The following NDST4 variants were observed in gnomAD, a reference collection of about 807,000 sequenced individuals.
The protein encoded by NDST4 is N-heparan sulfate sulfotransferase 4.
In NDST4, 63 loss-of-function variants were observed where a neutral mutation model predicts 100.8. The ratio of observed to expected loss-of-function variants is 0.62; its 90% CI spans 0.51 to 0.77. NDST4 has a LOEUF of 0.77. NDST4 is among the 30% of genes least tolerant of loss of function. The pLI is 0.00. For synonymous variants in NDST4, 377 were observed against 361.8 expected, an observed-to-expected ratio of 1.04 and a Z score of -0.48; for missense variants, 943 against 1,018.4, an observed-to-expected ratio of 0.93 and a Z score of 1.01.
At chr4:114,906,972 C>G (rs112722074) in intron 6 of NDST4, among the ~76,000 whole-genome samples, 1 of 151,928 alleles carries the variant, frequency 6.6e-6, no homozygotes, top group Admixed American at 6.6e-5. Context: ...ATATTTTCTT[C>G]AAAACTGTAT....
intron 2 of NDST4, among the ~76,000 whole-genome samples, chr4:114,981,348 AACT>A (rs1726768389): frequency 6.6e-6 from 1 of 152,108 alleles, no homozygotes; most frequent in Admixed American, 6.6e-5. Context: ...ATGGTATTCA[AACT>A]TTATTATGTG....
At chr4:114,848,476 A>C in intron 8 of NDST4, 138 bp from the exon 9 acceptor site, 1 of 622,398 alleles carries the variant, frequency 1.6e-6, no homozygotes, top group Non-Finnish European at 2.7e-6. Context: ...AATCAACTAG[A>C]TGCATTCCAT....
chr4:114,916,711 G>C (rs1725182250), intron 6 of NDST4, among the ~76,000 whole-genome samples: 1 of 150,096 alleles, frequency 6.7e-6, no homozygotes. Context: ...ATTCTTTTTA[G>C]AGACAGGGTC....
chr4:115,015,604 C>T (rs1268863644), intron 2 of NDST4, among the ~76,000 whole-genome samples: 2 of 152,004 alleles, frequency 1.3e-5, no homozygotes, highest in South Asian at 4.1e-4. Context: ...AATATATGAA[C>T]ATATTTGTAT....
chr4:115,018,724 T>G (rs1394975144), intron 2 of NDST4, among the ~76,000 whole-genome samples: 2 of 151,896 alleles, frequency 1.3e-5, no homozygotes, highest in African/African-American at 4.8e-5. Flanking sequence ...ATTTCAAAAT[T>G]TAGAATATTG....
chr4:115,107,812 A>C (rs896840525), intron 1 of NDST4, among the ~76,000 whole-genome samples: 24 of 152,204 alleles, frequency 1.6e-4, no homozygotes, highest in African/African-American at 5.1e-4. Flanking sequence ...ATTGAGCAAA[A>C]GTAAAAAAGC....
intron 2 of NDST4, among the ~76,000 whole-genome samples, chr4:114,982,854 G>C (rs1312709667): frequency 2.0e-5 from 3 of 152,222 alleles, no homozygotes; most frequent in Non-Finnish European, 4.4e-5. Flanking sequence ...TCAAATTCAT[G>C]GCCCAGCTTC....
chr4:114,889,150 A>G (rs1185614579), intron 6 of NDST4, among the ~76,000 whole-genome samples: 1 of 152,164 alleles, frequency 6.6e-6, no homozygotes, highest in African/African-American at 2.4e-5. Flanking sequence ...ACAAAAGCAC[A>G]TGTGTTTGAG....
chr4:115,004,551 A>G (rs1000453693), intron 2 of NDST4, among the ~76,000 whole-genome samples: 6 of 152,114 alleles, frequency 3.9e-5, no homozygotes, highest in Non-Finnish European at 7.4e-5. Flanking sequence ...AAGCAAATCT[A>G]TTTGTCATTC....
In NDST4 at chr4:114,827,818, A is replaced by C. The variant is rs368900634; in HGVS notation, c.2617T>G (p.Ter873GluextTer13). The C allele has an allele frequency of 1.2e-5, 19 of 1,610,540 alleles. No homozygotes were observed. The highest frequency in any genetic ancestry group is 2.7e-5 in the African/African-American group (2 of 74,270). The change falls in exon 14 of 14, where the codon TAG (stop) becomes GAG (glutamate). Residue 873 changes from the stop codon to glutamate (E), a stop_lost. Transcript: ENST00000264363. ...AGGCTTAGTTCTTGTCTCCAGTGCT[A>C]TCTCACTTTCTGCAGTTCCTGTCTC... The part of the protein sequence containing the change: ...WLRQELQKVR[*>E]
intron 2 of NDST4, among the ~76,000 whole-genome samples, chr4:115,067,731 T>C (rs1217549716): frequency 4.6e-5 from 4 of 87,278 alleles, no homozygotes; most frequent in Non-Finnish European, 7.7e-5. Context: ...ATCATTTTCT[T>C]TTTTTTTTGT....
intron 2 of NDST4, among the ~76,000 whole-genome samples, chr4:115,064,063 A>C (rs1347153296): frequency 2.6e-5 from 4 of 152,066 alleles, no homozygotes. Flanking sequence ...TTGAGTATTA[A>C]TAAATTTAGG....
chr4:115,058,045 G>A lies in NDST4; in HGVS notation c.978+18014C>T, dbSNP rs563777219. On this transcript the variant is annotated intron_variant, in intron 2 of 13. Transcript: ENST00000264363. ...GAAGTCAACATAGAAAATGCAAAAT[G>A]GCTTTGAATTTATTTCACGTTCTGT... is the stretch of plus-strand genomic sequence containing the variant. Among the ~76,000 whole-genome samples, 5 of 152,172 alleles carry A rather than the reference G, an allele frequency of 3.3e-5. No individual in the cohort carries two copies. The East Asian group carries it at 9.7e-4, about 29-fold the overall frequency.
intron 6 of NDST4, among the ~76,000 whole-genome samples, chr4:114,933,273 C>A (rs1454862078): frequency 1.3e-5 from 2 of 152,008 alleles, no homozygotes; most frequent in Non-Finnish European, 2.9e-5. Context: ...TATCCCCATA[C>A]AGAAGAACAA....
chr4:115,003,270 A>T (rs1727338261), intron 2 of NDST4, among the ~76,000 whole-genome samples: 1 of 152,170 alleles, frequency 6.6e-6, no homozygotes, highest in South Asian at 2.1e-4. Flanking sequence ...AGAATTCTAG[A>T]TGTTTAAAAT....
intron 2 of NDST4, among the ~76,000 whole-genome samples, chr4:115,053,410 A>G (rs78004743): frequency 0.012 from 1,842 of 152,232 alleles, 36 homozygotes; most frequent in African/African-American, 0.042. Flanking sequence ...ATGCTATCAA[A>G]TTCCCAAATC....
intron 7 of NDST4, among the ~76,000 whole-genome samples, chr4:114,856,585 C>A (rs1412073126): frequency 6.6e-6 from 1 of 152,048 alleles, no homozygotes; most frequent in Non-Finnish European, 1.5e-5. Flanking sequence ...TATTCTATGA[C>A]AGAATATAAT....
At chr4:114,946,787 A>G (rs987892269) in intron 4 of NDST4, among the ~76,000 whole-genome samples, 2 of 152,210 alleles carry the variant, frequency 1.3e-5, no homozygotes, top group African/African-American at 4.8e-5. Flanking sequence ...AACACTGAAG[A>G]GAAGGAATGG....
At chr4:114,981,224 A>T (rs1251217041) in intron 2 of NDST4, among the ~76,000 whole-genome samples, 49 of 54,138 alleles carry the variant, frequency 9.1e-4, no homozygotes, top group African/African-American at 4.9e-3. Flanking sequence ...GATGGAAGGA[A>T]GGAAGGAAGG....
Sources: allele counts gnomAD v4.1 joint callset (sites outside exome capture counted in the v4.1 genomes callset), GRCh38; gene constraint gnomAD v4.1.1; transcripts MANE v1.5; gene names NCBI Gene and HGNC (gene_info 2026-07-23, HGNC 2026-07-21).